The following ENOPH1 variants were observed in gnomAD, a reference collection of about 807,000 sequenced individuals.
ENOPH1 encodes enolase-phosphatase 1, also known as enolase-phosphatase E1.
In ENOPH1, 14 loss-of-function variants were observed where a neutral mutation model predicts 31.1. The observed-to-expected ratio is 0.45, with a 90% confidence interval of 0.30 to 0.70. The LOEUF (loss-of-function observed/expected upper bound fraction) is 0.70. Ranked by LOEUF, ENOPH1 falls within the 30% of genes least tolerant of loss-of-function variation. The pLI is 0.09. For missense variants in ENOPH1, 243 were observed against 321.5 expected (o/e 0.76, Z 1.87); for synonymous variants, 127 against 123.2 (o/e 1.03, Z -0.21).
At chr4:82,448,605 G>A (rs1722259853) in intron 2 of ENOPH1, among the ~76,000 whole-genome samples, 1 of 150,730 alleles carries the variant, frequency 6.6e-6, no homozygotes, top group Non-Finnish European at 1.5e-5. Context: ...GATATTGTTA[G>A]GCAATTTAAA....
At chr4:82,452,971 A>G (rs1447037176) in intron 3 of ENOPH1, among the ~76,000 whole-genome samples, 1 of 140,432 alleles carries the variant, frequency 7.1e-6, no homozygotes, top group East Asian at 2.1e-4. Context: ...GCGTGATCTC[A>G]GCTCGCTGCA....
chr4:82,455,785 CA>C (rs560737706), intron 4 of ENOPH1, among the ~76,000 whole-genome samples: 87 of 135,532 alleles, frequency 6.4e-4, no homozygotes, highest in Admixed American at 1.2e-3. Flanking sequence ...GATTCCATCT[CA>C]AAAAAAAAAA....
intron 2 of ENOPH1, among the ~76,000 whole-genome samples, chr4:82,448,298 G>A (rs577194824): frequency 8.1e-4 from 122 of 150,078 alleles, no homozygotes; most frequent in Non-Finnish European, 1.4e-3. Flanking sequence ...GTCTCACTTC[G>A]TTGCCCAGGC....
At chr4:82,449,615 A>C (rs1289806136) in intron 2 of ENOPH1, among the ~76,000 whole-genome samples, 1 of 152,140 alleles carries the variant, frequency 6.6e-6, no homozygotes, top group African/African-American at 2.4e-5. Flanking sequence ...CATTCACGAG[A>C]AGTCTATCCC....
At chr4:82,443,690 T>A (rs2110040778) in intron 1 of ENOPH1, among the ~76,000 whole-genome samples, 1 of 143,180 alleles carries the variant, frequency 7.0e-6, no homozygotes, top group South Asian at 2.2e-4. Flanking sequence ...ATTGTGCCAC[T>A]GCCCTCCAGC....
intron 2 of ENOPH1, among the ~76,000 whole-genome samples, chr4:82,449,167 G>A (rs1319137149): frequency 6.6e-6 from 1 of 152,102 alleles, no homozygotes; most frequent in Non-Finnish European, 1.5e-5. Flanking sequence ...TTGAACGTGG[G>A]AGGTGAAGGT....
chr4:82,458,459 G>A (rs1029631105), intron 5 of ENOPH1, among the ~76,000 whole-genome samples: 3 of 152,114 alleles, frequency 2.0e-5, no homozygotes, highest in East Asian at 3.8e-4. Context: ...GGGATGAGCC[G>A]AGATCATGCC....
intron 1 of ENOPH1, 138 bp downstream of exon 1, chr4:82,431,051 GGA>G: frequency 1.3e-6 from 1 of 744,868 alleles, no homozygotes; most frequent in South Asian, 1.7e-5. Context: ...TGGGGAGGAA[GGA>G]GAGAAAGCCT....
At chr4:82,457,799 G>A (rs1275129832) in intron 5 of ENOPH1, among the ~76,000 whole-genome samples, 1 of 152,148 alleles carries the variant, frequency 6.6e-6, no homozygotes, top group Non-Finnish European at 1.5e-5. Flanking sequence ...TCAATATTAA[G>A]AATTATAACC....
chr4:82,443,188 G>A (rs765957896), intron 1 of ENOPH1, among the ~76,000 whole-genome samples: 4 of 152,166 alleles, frequency 2.6e-5, no homozygotes, highest in Non-Finnish European at 4.4e-5. Context: ...TGTAATGCCA[G>A]CACTTTGGGA....
Position 82,460,799 on chromosome 4 carries a change from A to G in ENOPH1, c.*679A>G, listed in dbSNP as rs1681319095. 1 of 152,280 alleles carries G rather than the reference A, an allele frequency of 6.6e-6. No individual in the cohort carries two copies. Among genetic ancestry groups the G allele is most frequent in the Non-Finnish European group, 1.5e-5 (1 of 68,068 alleles). The allele number at this position is 152,280 out of a possible 1,614,324, so 9.4% of individuals were successfully genotyped here. On this transcript the variant is annotated 3_prime_UTR_variant, in exon 6 of 6. Coordinates refer to ENST00000273920, the MANE Select transcript of ENOPH1 (RefSeq NM_021204.5). ...CATCTAAAACAGAGATGTGGTTCTT[A>G]ATGTTTAACAGAACAGTTCTAATCC...
chr4:82,445,327 A>G (rs575831014), intron 1 of ENOPH1, among the ~76,000 whole-genome samples: 4 of 152,256 alleles, frequency 2.6e-5, no homozygotes, highest in Non-Finnish European at 4.4e-5. Context: ...GATATTCTCA[A>G]TAAGTATGTT....
At chr4:82,457,593 C>T (rs1243358558) in intron 5 of ENOPH1, among the ~76,000 whole-genome samples, 1 of 152,122 alleles carries the variant, frequency 6.6e-6, no homozygotes, top group Non-Finnish European at 1.5e-5. Flanking sequence ...AACTCCTTGT[C>T]CGTGATTTCC....
intron 1 of ENOPH1, among the ~76,000 whole-genome samples, chr4:82,446,882 A>G (rs1314735634): frequency 7.1e-6 from 1 of 141,518 alleles, no homozygotes; most frequent in Admixed American, 7.1e-5. Flanking sequence ...AATTTTTTGT[A>G]TTTTTAGTAG....
Position 82,460,224 on chromosome 4 carries a change from CATATGTATGCAAGTATGTAT to C in ENOPH1, c.*111_*130del. 8.6e-7 allele frequency: 1 copy of C among 1,164,992 alleles called. No individual in the cohort carries two copies. Among genetic ancestry groups the C allele is most frequent in the East Asian group, 2.4e-5 (1 of 42,432 alleles). 72.2% of individuals were successfully genotyped at this position (1,164,992 alleles called of 1,614,324 possible). On this transcript the variant is annotated 3_prime_UTR_variant, in exon 6 of 6. Coordinates refer to ENST00000273920, the MANE Select transcript of ENOPH1 (RefSeq NM_021204.5). ...AACTTACTTAAAAAACATATGTACA[CATATGTATGCAAGTATGTAT>C]ATATGTGTATGCTCAGATTAACTTC...
At chr4:82,444,154 C>T (rs975081981) in intron 1 of ENOPH1, among the ~76,000 whole-genome samples, 1 of 152,140 alleles carries the variant, frequency 6.6e-6, no homozygotes, top group Non-Finnish European at 1.5e-5. Flanking sequence ...GGATTACAGG[C>T]GTGGGCCACG....
rs558060347 is a variant in ENOPH1, at chr4:82,459,803, C to CTTT, written c.647-178_647-177insTTT. On this transcript the variant is annotated intron_variant, in intron 5 of 5. Transcript: ENST00000273920. ...TTTATCATGGAAAAATTAAAACATA[C>CTTT]ATAAAAGAGATAATAATATAGTCAA... is the stretch of plus-strand genomic sequence containing the variant. 7.4e-4 allele frequency among the ~76,000 whole-genome samples: 113 copies of CTTT among 152,222 alleles called. 1 individual carries two copies. The East Asian group carries it at 0.017, about 23-fold the overall frequency.
Position 82,451,101 on chromosome 4 carries a change from G to C in ENOPH1, c.245G>C (p.Gly82Ala), listed in dbSNP as rs1722337145. The change falls in exon 3 of 6, where the codon GGA (glycine) becomes GCA (alanine). Residue 82 changes from glycine (G) to alanine (A), a missense_variant. Transcript: ENST00000273920. ...AVPIPAASGN[G>A]VDDLQQMIQA... The stretch of plus-strand genomic sequence containing the variant: ...CCTATCCCTGCAGCATCTGGGAATG[G>C]AGTGGATGATCTGCAACAGATGATC... 6.2e-7 allele frequency: 1 copy of C among 1,614,112 alleles called. No homozygotes were observed. The highest frequency in any genetic ancestry group is 8.5e-7 in the Non-Finnish European group (1 of 1,180,050).
intron 1 of ENOPH1, among the ~76,000 whole-genome samples, chr4:82,446,767 C>T (rs1317904469): frequency 6.0e-5 from 8 of 132,268 alleles, no homozygotes; most frequent in East Asian, 2.4e-4. Flanking sequence ...ACTGCAGTGG[C>T]GCAATCTCGG....
Sources: gnomAD v4.1 joint callset for allele counts (sites outside exome capture counted in the v4.1 genomes callset) on GRCh38, gnomAD v4.1.1 for gene constraint, MANE v1.5 for transcripts, NCBI Gene and HGNC (gene_info 2026-07-23, HGNC 2026-07-21) for gene names.